The following PLXDC1 variants were observed in gnomAD, a reference collection of about 807,000 sequenced individuals.
The protein encoded by PLXDC1 is plexin domain containing 1.
PLXDC1 carries 39 observed loss-of-function variants against 61.3 expected under a neutral mutation model. The ratio of observed to expected loss-of-function variants is 0.64; its 90% CI spans 0.49 to 0.83. The LOEUF is 0.83. Ranked by LOEUF, PLXDC1 falls within the 40% of genes least tolerant of loss-of-function variation. The pLI is 0.00. For missense variants in PLXDC1, 596 were observed against 666.5 expected, an observed-to-expected ratio of 0.89 and a Z score of 1.17; for synonymous variants, 212 against 254.5, an observed-to-expected ratio of 0.83 and a Z score of 1.59.
chr17:39,115,813 G>T (rs143032276), intron 2 of PLXDC1, among the ~76,000 whole-genome samples: 1 of 152,272 alleles, frequency 6.6e-6, no homozygotes, highest in African/African-American at 2.4e-5. Context: ...GGGAAACTGA[G>T]ACTAGAAATC....
At chr17:39,094,077 G>A (rs1337475691) in intron 7 of PLXDC1, among the ~76,000 whole-genome samples, 2 of 152,170 alleles carry the variant, frequency 1.3e-5, no homozygotes, top group East Asian at 3.9e-4. Context: ...GAGATTGGAG[G>A]ATGGGCACCT....
intron 7 of PLXDC1, chr17:39,097,053 G>A (rs924630362): frequency 4.3e-6 from 2 of 468,382 alleles, no homozygotes; most frequent in African/African-American, 4.0e-5. Flanking sequence ...CCCCAGGAGT[G>A]AGGCTGTGAG....
chr17:39,147,078 C>T (rs1294865702), intron 1 of PLXDC1, among the ~76,000 whole-genome samples: 1 of 151,450 alleles, frequency 6.6e-6, no homozygotes, highest in African/African-American at 2.4e-5. Context: ...GCCTCAGCCT[C>T]CCAAGTAGCT....
Position 39,139,833 on chromosome 17 carries a change from C to T in PLXDC1, c.77-1G>A, listed in dbSNP as rs756918994. 4 of 1,596,998 alleles carry T rather than the reference C, an allele frequency of 2.5e-6. No individual in the cohort carries two copies. In the African/African-American group the frequency reaches 5.4e-5, roughly 21 times the overall value. Reference sequence around the variant, plus strand: ...CCAGAGCCTGGGCCCTCATCGTGACCTGGGAGAAGGGGACAGAAACCTGAG... The same window carrying T: ...CCAGAGCCTGGGCCCTCATCGTGACTTGGGAGAAGGGGACAGAAACCTGAG... On this transcript the variant is annotated splice_acceptor_variant, in intron 1 of 13. Transcript: ENST00000315392. LOFTEE classifies it high-confidence loss of function.
At chr17:39,128,097 G>GTGTATATATATA (rs1911379292) in intron 2 of PLXDC1, among the ~76,000 whole-genome samples, 4 of 67,476 alleles carry the variant, frequency 5.9e-5, no homozygotes, top group African/African-American at 1.5e-4. Context: ...CTCTCTATGT[G>GTGTATATATATA]TATATATATA....
intron 7 of PLXDC1, among the ~76,000 whole-genome samples, chr17:39,104,768 G>A (rs1208833681): frequency 6.7e-6 from 1 of 149,822 alleles, no homozygotes; most frequent in African/African-American, 2.4e-5. Flanking sequence ...GAATGACAGA[G>A]CAAGACTTTG....
At chr17:39,095,436 C>T (rs1910151096) in intron 7 of PLXDC1, among the ~76,000 whole-genome samples, 1 of 131,116 alleles carries the variant, frequency 7.6e-6, no homozygotes, top group Non-Finnish European at 1.6e-5. Flanking sequence ...CTGGAGCTTG[C>T]CCAAGACAAT....
chr17:39,115,463 C>T (rs1000603077), intron 2 of PLXDC1, among the ~76,000 whole-genome samples: 5 of 152,220 alleles, frequency 3.3e-5, no homozygotes, highest in South Asian at 2.1e-4. Context: ...GCTGCAGGTC[C>T]CAAACAGGCC....
At chr17:39,078,847 G>T (rs1366370879) in intron 10 of PLXDC1, among the ~76,000 whole-genome samples, 1 of 152,196 alleles carries the variant, frequency 6.6e-6, no homozygotes, top group Admixed American at 6.5e-5. Context: ...TGCACCAAAA[G>T]AATTCCTTGA....
At chr17:39,128,739 A>G (rs1438138198) in intron 2 of PLXDC1, among the ~76,000 whole-genome samples, 2 of 151,820 alleles carry the variant, frequency 1.3e-5, no homozygotes, top group Non-Finnish European at 2.9e-5. Context: ...CGCCGGGTGC[A>G]GTGGCTCACG....
intron 13 of PLXDC1, 43 bp from the exon 14 acceptor site, chr17:39,068,002 C>T (rs372378362): frequency 1.9e-6 from 3 of 1,601,596 alleles, no homozygotes; most frequent in African/African-American, 2.7e-5. Flanking sequence ...ATGCCCCCGC[C>T]CCCATGGGGA....
intron 2 of PLXDC1, among the ~76,000 whole-genome samples, chr17:39,114,472 C>T (rs1910904760): frequency 6.6e-6 from 1 of 152,200 alleles, no homozygotes; most frequent in African/African-American, 2.4e-5. Context: ...GCTTCTTTCT[C>T]CTGGTGTTTT....
chr17:39,120,392 G>C (rs1317562298), intron 2 of PLXDC1, among the ~76,000 whole-genome samples: 1 of 152,032 alleles, frequency 6.6e-6, no homozygotes, highest in East Asian at 1.9e-4. Context: ...GGGATTACAG[G>C]TGTGAGCCAC....
intron 7 of PLXDC1, among the ~76,000 whole-genome samples, chr17:39,090,742 C>T (rs1444547512): frequency 1.3e-5 from 2 of 152,212 alleles, no homozygotes; most frequent in East Asian, 3.8e-4. Context: ...TGCTGTTCTT[C>T]TCATGGCTGA....
chr17:39,095,004 T>TC (rs1352249699), intron 7 of PLXDC1, among the ~76,000 whole-genome samples: 1 of 152,080 alleles, frequency 6.6e-6, no homozygotes, highest in Non-Finnish European at 1.5e-5. Context: ...AGATAGAGAC[T>TC]CAGACTTTTC....
chr17:39,136,804 C>T (rs967748714), intron 2 of PLXDC1, among the ~76,000 whole-genome samples: 1 of 151,936 alleles, frequency 6.6e-6, no homozygotes, highest in African/African-American at 2.4e-5. Context: ...AGAAAAAAAT[C>T]AGTGACATTA....
intron 1 of PLXDC1, among the ~76,000 whole-genome samples, chr17:39,146,734 C>T (rs1158068217): frequency 6.6e-6 from 1 of 150,754 alleles, no homozygotes; most frequent in African/African-American, 2.4e-5. Flanking sequence ...TGCATGCCTG[C>T]AGTCCCAGCT....
chr17:39,137,838 A>G (rs1459557532), intron 2 of PLXDC1, among the ~76,000 whole-genome samples: 2 of 152,042 alleles, frequency 1.3e-5, no homozygotes, highest in Non-Finnish European at 2.9e-5. Flanking sequence ...CCGTGGTACC[A>G]GCAGGCGAGT....
chr17:39,118,394 G>A (rs1911060409), intron 2 of PLXDC1, among the ~76,000 whole-genome samples: 1 of 151,852 alleles, frequency 6.6e-6, no homozygotes, highest in African/African-American at 2.4e-5. Flanking sequence ...ATAGAGACAG[G>A]GGTTTTACCA....
Sources: gnomAD v4.1 joint callset for allele counts (sites outside exome capture counted in the v4.1 genomes callset) on GRCh38, gnomAD v4.1.1 for gene constraint, MANE v1.5 for transcripts, NCBI Gene and HGNC (gene_info 2026-07-23, HGNC 2026-07-21) for gene names.